Variants in CCNB3 observed in about 807,000 individuals in gnomAD.
The protein encoded by CCNB3 is cyclin B3.
Under a neutral mutation model 68.0 loss-of-function variants are expected in CCNB3, and 12 were observed. That is an observed-to-expected ratio of 0.18 (90% CI 0.11 to 0.29). The LOEUF (loss-of-function observed/expected upper bound fraction) is 0.29. CCNB3 is among the 10% of genes least tolerant of loss of function. The probability of loss-of-function intolerance (pLI) is 1.00; values close to 1 mark genes in which losing one functional copy is unlikely to be tolerated. For synonymous variants in CCNB3, 354 were observed against 388.9 expected (o/e 0.91, Z 1.06); for missense variants, 904 against 993.1 (o/e 0.91, Z 1.21).
chrX:50,287,113 C>A (rs1016060458), intron 3 of CCNB3, among the ~76,000 whole-genome samples: 2 of 111,953 alleles, frequency 1.8e-5, no homozygotes, highest in Non-Finnish European at 3.8e-5. Flanking sequence ...CTCTCTGACA[C>A]AGGTAGGGCG....
At chrX:50,341,801 G>A in intron 8 of CCNB3, 1 of 140,306 alleles carries the variant, frequency 7.1e-6, no homozygotes, top group Admixed American at 7.5e-5. Context: ...AGAGAAAGTA[G>A]TACATGAATA....
chrX:50,285,496 A>C (rs1936218659), intron 3 of CCNB3, among the ~76,000 whole-genome samples: 1 of 111,350 alleles, frequency 9.0e-6, no homozygotes, highest in African/African-American at 3.3e-5. Context: ...ATAACCCTCA[A>C]AACTGAACAA....
intron 1 of CCNB3, among the ~76,000 whole-genome samples, chrX:50,205,308 A>AGC (rs1935337472): frequency 1.8e-5 from 2 of 111,205 alleles, no homozygotes; most frequent in Admixed American, 1.9e-4. Flanking sequence ...CGGGCGTGGT[A>AGC]GCGCGCGCCT....
chrX:50,221,653 G>A (rs1046946736), intron 1 of CCNB3, among the ~76,000 whole-genome samples: 123 of 111,429 alleles, frequency 1.1e-3, no homozygotes, highest in Middle Eastern at 4.7e-3. Flanking sequence ...TATGATTTCC[G>A]TTCTTTTGCA....
intron 5 of CCNB3, among the ~76,000 whole-genome samples, chrX:50,305,054 G>A (rs1936732409): frequency 9.0e-6 from 1 of 111,714 alleles, no homozygotes; most frequent in African/African-American, 3.3e-5. Context: ...TACACTGTTG[G>A]TGGGACTGGA....
At chrX:50,218,345 A>C (rs1203573851) in intron 1 of CCNB3, among the ~76,000 whole-genome samples, 1 of 111,224 alleles carries the variant, frequency 9.0e-6, no homozygotes, top group African/African-American at 3.3e-5. Context: ...GGCTTGTTAC[A>C]TCGGTATACA....
At chrX:50,329,010 A>G (rs1334003155) in intron 8 of CCNB3, among the ~76,000 whole-genome samples, 2 of 112,735 alleles carry the variant, frequency 1.8e-5, no homozygotes, top group Non-Finnish European at 3.8e-5. Context: ...TGCAGGGCAC[A>G]CTGCTGCAAG....
chrX:50,228,899 AAT>A (rs1448375292), intron 1 of CCNB3, among the ~76,000 whole-genome samples: 12 of 39,851 alleles, frequency 3.0e-4, no homozygotes, highest in East Asian at 7.3e-4. Context: ...ATATATATAG[AAT>A]ATATATATAG....
intron 9 of CCNB3, among the ~76,000 whole-genome samples, chrX:50,345,853 C>T (rs1386525529): frequency 3.6e-5 from 4 of 112,312 alleles, no homozygotes; most frequent in South Asian, 3.8e-4. Flanking sequence ...CCTAGGTTTC[C>T]TTGTCTGCCA....
chrX:50,226,189 A>C (rs1329577682), intron 1 of CCNB3, among the ~76,000 whole-genome samples: 1 of 32,068 alleles, frequency 3.1e-5, no homozygotes, highest in African/African-American at 9.0e-5. Flanking sequence ...ATAGATATAT[A>C]AATATATATA....
intron 1 of CCNB3, among the ~76,000 whole-genome samples, chrX:50,228,573 A>G (rs1252526017): frequency 2.4e-5 from 2 of 84,526 alleles, no homozygotes; most frequent in Non-Finnish European, 4.3e-5. Flanking sequence ...CAGATAATAT[A>G]TAGAATATAT....
At chrX:50,205,963 T>A (rs1357844432) in intron 1 of CCNB3, among the ~76,000 whole-genome samples, 1 of 102,554 alleles carries the variant, frequency 9.8e-6, no homozygotes, top group African/African-American at 3.6e-5. Flanking sequence ...GAAAAAAAAA[T>A]TAAATAGCTG....
At chrX:50,339,688 G>A (rs59816134) in intron 8 of CCNB3, among the ~76,000 whole-genome samples, 105 of 111,822 alleles carry the variant, frequency 9.4e-4, no homozygotes, top group African/African-American at 3.3e-3. Flanking sequence ...TATAAGCATG[G>A]CACTGCTATC....
intron 8 of CCNB3, among the ~76,000 whole-genome samples, chrX:50,341,155 C>G (rs903820166): frequency 9.2e-6 from 1 of 108,992 alleles, no homozygotes; most frequent in Non-Finnish European, 1.9e-5. Context: ...CGATGAAACC[C>G]CCGTCTCTAC....
intron 5 of CCNB3, among the ~76,000 whole-genome samples, chrX:50,298,528 T>TGG (rs1569542642): frequency 7.2e-5 from 8 of 111,399 alleles, no homozygotes; most frequent in African/African-American, 2.6e-4. Flanking sequence ...GCTGGATTCC[T>TGG]TTTGCCAGTA....
chrX:50,346,662 C>T lies in CCNB3; in HGVS notation c.3665C>T (p.Ser1222Leu), dbSNP rs782382219. Residue 1222 changes from serine to leucine, a missense_variant, in exon 10 of 13, where the codon TCA (serine) becomes TTA (leucine). Coordinates refer to ENST00000376042, the MANE Select transcript of CCNB3 (RefSeq NM_033031.3). ...CCTCTCCACCCATAGGAGCACAACT[C>T]ACCTCGTGTGGATGACTTTGTGTAC... is the stretch of plus-strand genomic sequence containing the variant. ...MIAAKFEEHN[S>L]PRVDDFVYIC... 5.8e-6 allele frequency: 7 copies of T among 1,208,383 alleles called. No homozygotes were observed. Among genetic ancestry groups the T allele is most frequent in the Non-Finnish European group, 7.8e-6 (7 of 894,344 alleles).
At chrX:50,348,083 C>G (rs1245371058) in intron 11 of CCNB3, among the ~76,000 whole-genome samples, 1 of 111,549 alleles carries the variant, frequency 9.0e-6, no homozygotes, top group Non-Finnish European at 1.9e-5. Context: ...GACCCTACTT[C>G]TTATCCCCAG....
chrX:50,207,439 G>A (rs1935387151), intron 1 of CCNB3, among the ~76,000 whole-genome samples: 1 of 112,168 alleles, frequency 8.9e-6, no homozygotes, highest in African/African-American at 3.2e-5. Context: ...GAGAATGACT[G>A]TGTTTTGCCC....
intron 4 of CCNB3, among the ~76,000 whole-genome samples, chrX:50,292,735 G>A (rs1165803479): frequency 9.0e-6 from 1 of 110,897 alleles, no homozygotes; most frequent in African/African-American, 3.3e-5. Context: ...CTTTATTTTG[G>A]TGCTCAAATT....
Sources: gnomAD v4.1 joint callset for allele counts (sites outside exome capture counted in the v4.1 genomes callset) on GRCh38, gnomAD v4.1.1 for gene constraint, MANE v1.5 for transcripts, NCBI Gene and HGNC (gene_info 2026-07-23, HGNC 2026-07-21) for gene names.